The following MUC5B variants were observed in gnomAD, a reference collection of about 807,000 sequenced individuals.
MUC5B encodes the protein mucin 5B, oligomeric mucus/gel-forming.
A neutral mutation model predicts 376.9 loss-of-function variants in MUC5B; 116 were observed. The observed-to-expected ratio is 0.31, with a 90% CI of 0.26 to 0.36. The LOEUF is 0.36. Among genes scored for constraint, MUC5B ranks in the 10% least tolerant of loss-of-function variants. The pLI is 1.00. For missense variants in MUC5B, 7,165 were observed against 7,769.9 expected, an observed-to-expected ratio of 0.92 and a Z score of 2.93; for synonymous variants, 3,517 against 3,390.9, an observed-to-expected ratio of 1.04 and a Z score of -1.29.
In MUC5B at chr11:1,234,172, C is replaced by T. The variant is rs771188022; in HGVS notation, c.2378-33C>T. 1.9e-5 allele frequency: 30 copies of T among 1,548,630 alleles called. No homozygotes were observed. The highest frequency in any genetic ancestry group is 2.7e-5 in the African/African-American group (2 of 73,548). On this transcript the variant is annotated intron_variant, in intron 19 of 48. Transcript: ENST00000529681. The surrounding 1 kb of genome is among the most constrained non-coding windows in gnomAD (Gnocchi z 6.3). The stretch of plus-strand genomic sequence containing the variant: ...CAGTTGAGGGCCGTGGCTGCCCTTC[C>T]CCAGGACCCCTCCCACCAAGCTCTG...
At chr11:1,259,587 T>C in intron 44 of MUC5B, 169 bp from the exon 45 acceptor site, 3 of 641,962 alleles carry the variant, frequency 4.7e-6, no homozygotes, top group South Asian at 1.9e-5. Context: ...GAAACTGGGG[T>C]GAGGCTGAGC....
chr11:1,232,925 C>T (rs1340004784), intron 17 of MUC5B, 88 bp from the exon 18 acceptor site: 6 of 1,469,452 alleles, frequency 4.1e-6, no homozygotes, highest in South Asian at 1.4e-5. Flanking sequence ...GCGATCCCCA[C>T]GTCACAGACG....
Position 1,227,077 on chromosome 11 carries a change from G to A in MUC5B, c.508G>A (p.Gly170Arg), listed in dbSNP as rs377253798. 2.4e-5 allele frequency: 39 copies of A among 1,612,384 alleles called. No homozygotes were observed. Among genetic ancestry groups the A allele is most frequent in the South Asian group, 2.0e-4 (18 of 91,062 alleles). Residue 170 changes from glycine (G) to arginine (R), a missense_variant, in exon 5 of 49, where the codon GGG becomes AGG. Coordinates refer to ENST00000529681, the MANE Select transcript of MUC5B (RefSeq NM_002458.3). ...SRTGLLVEQS[G>R]DYIKVSIRLV... ...CACTGGCCTCCTGGTGGAGCAGAGC[G>A]GGGACTACATCAAGGTCAGCATCCG...
chr11:1,246,535 G>A lies in MUC5B; in HGVS notation c.9655G>A (p.Ala3219Thr). Residue 3219 changes from alanine to threonine, a missense_variant, in exon 31 of 49, where the codon GCA becomes ACA. This residue lies in a region of MUC5B where 939 missense variants were observed against 770.6 expected (regional missense o/e 1.22). Transcript: ENST00000529681. ...RATPSSSPGT[A>T]TALPALRSTA... ...CACTCCCTCCTCCAGTCCAGGGACT[G>A]CAACCGCCCTTCCAGCACTGAGAAG... 6.2e-7 allele frequency: 1 copy of A among 1,613,146 alleles called. No homozygotes were observed. The highest frequency in any genetic ancestry group is 1.1e-5 in the South Asian group (1 of 91,028).
In MUC5B at chr11:1,243,793, C is replaced by A. The variant is rs753713375; in HGVS notation, c.6913C>A (p.Pro2305Thr). The part of the protein sequence containing the change: ...TLLPSSPTSA[P>T]ITTVVTMGCE... Reference sequence around the variant, plus strand: ...GCTGCCCAGCAGCCCCACATCGGCCCCCATAACCACGGTGGTGACCATGGG... The same window carrying A: ...GCTGCCCAGCAGCCCCACATCGGCCACCATAACCACGGTGGTGACCATGGG... The change falls in exon 31 of 49, where the codon CCC becomes ACC. Residue 2305 changes from proline (P) to threonine (T), a missense_variant. Pro to Thr is a conservative substitution (Grantham distance 38). Coordinates refer to ENST00000529681, the MANE Select transcript of MUC5B (RefSeq NM_002458.3). 8.7e-6 allele frequency: 14 copies of A among 1,611,608 alleles called. No individual in the cohort carries two copies. Among genetic ancestry groups the A allele is most frequent in the Non-Finnish European group, 1.2e-5 (14 of 1,179,660 alleles).
chr11:1,227,159 C>G lies in MUC5B; in HGVS notation c.576+14C>G. The G allele has an allele frequency of 1.2e-6, 2 of 1,606,624 alleles. No homozygotes were observed. The highest frequency in any genetic ancestry group is 1.7e-6 in the Non-Finnish European group (2 of 1,175,376). The stretch of plus-strand genomic sequence containing the variant: ...GACAGTGCCCTGGTGAGGAAGCCCC[C>G]TCGCCCCTTGCCCCTTCAGGCCTGG... On this transcript the variant is annotated intron_variant, in intron 5 of 48. Coordinates refer to ENST00000529681, the MANE Select transcript of MUC5B (RefSeq NM_002458.3).
At chr11:1,254,603 G>A (rs1294325818) in intron 34 of MUC5B, 91 bp from the exon 35 acceptor site, 23 of 1,370,760 alleles carry the variant, frequency 1.7e-5, no homozygotes, top group Non-Finnish European at 9.9e-7. Context: ...GGGGGTCTCT[G>A]CACATGGAGG....
At chr11:1,233,757 G>C in intron 18 of MUC5B, 36 bp from the exon 19 acceptor site, 1 of 1,576,958 alleles carries the variant, frequency 6.3e-7, no homozygotes. Flanking sequence ...CGGGGTGAGG[G>C]CCGCAGATCC....
chr11:1,225,024 G>T (rs1036203795), intron 1 of MUC5B, among the ~76,000 whole-genome samples: 1 of 152,218 alleles, frequency 6.6e-6, no homozygotes, highest in African/African-American at 2.4e-5. Flanking sequence ...GCCTCCATGG[G>T]GTTGGTGGGT....
At chr11:1,259,399 G>C (rs1401943808) in intron 44 of MUC5B, 9 of 485,044 alleles carry the variant, frequency 1.9e-5, no homozygotes, top group Non-Finnish European at 3.0e-5. Context: ...CACTTATCCT[G>C]GCTCCCTGGG....
rs1432630767 is a variant in MUC5B at position 1,234,135 on chromosome 11, G to A, written c.2378-70G>A. On this transcript the variant is annotated intron_variant, in intron 19 of 48. Transcript: ENST00000529681. The surrounding 1 kb of genome is among the most constrained non-coding windows in gnomAD (Gnocchi z 6.3). ...ACTTGATCAGCAGGACAGGCTCAGGGCTGCCTGGGGTCAGTTGAGGGCCGT... is the reference window on the plus strand; with the variant it reads ...ACTTGATCAGCAGGACAGGCTCAGGACTGCCTGGGGTCAGTTGAGGGCCGT... The A allele has an allele frequency of 3.1e-6, 4 of 1,292,914 alleles. No homozygotes were observed. The East Asian group carries it at 1.0e-4, about 33-fold the overall frequency. The allele number at this position is 1,292,914 out of a possible 1,614,324, so 80.1% of individuals were successfully genotyped here.
At chr11:1,226,571 G>A (rs756741044) in intron 3 of MUC5B, 44 bp from the exon 4 acceptor site, 5 of 1,577,326 alleles carry the variant, frequency 3.2e-6, no homozygotes, top group Middle Eastern at 1.7e-4. Context: ...GCTACCCCGT[G>A]GGGGGCTGGC....
chr11:1,227,816 G>A (rs1400010457), intron 7 of MUC5B, 35 bp downstream of exon 7: 3 of 690,484 alleles, frequency 4.3e-6, no homozygotes, highest in Non-Finnish European at 8.2e-6. Context: ...CCTGGGCAGG[G>A]ACGGCCTCCA....
intron 31 of MUC5B, 137 bp from the exon 32 acceptor site, chr11:1,252,206 C>T (rs1862721986): frequency 1.2e-6 from 1 of 841,914 alleles, no homozygotes; most frequent in Admixed American, 2.9e-5. Flanking sequence ...ACTGGCCACA[C>T]TCAGCCTCTG....
Position 1,244,835 on chromosome 11 carries a change from T to C in MUC5B, c.7955T>C (p.Ile2652Thr). 1.9e-6 allele frequency: 3 copies of C among 1,609,672 alleles called. No individual in the cohort carries two copies. In the African/African-American group the frequency reaches 4.1e-5, roughly 22 times the overall value. The change falls in exon 31 of 49, where the codon ATC becomes ACC. Residue 2652 changes from isoleucine (I) to threonine (T), a missense_variant. Around this residue, in one of 31 missense-constraint regions of MUC5B, gnomAD observed 141 missense variants for 111.2 expected, o/e 1.27. Coordinates refer to ENST00000529681, the MANE Select transcript of MUC5B (RefSeq NM_002458.3). ...TRGSTVTPSS[I>T]PGTTHTPTVL... ...GGTTCCACGGTGACCCCCTCCTCCA[T>C]CCCGGGGACCACCCACACCCCCACA...
In MUC5B at chr11:1,248,449, C is replaced by T. The variant is rs1287230254; in HGVS notation, c.11569C>T (p.Pro3857Ser). The change falls in exon 31 of 49, where the codon CCA becomes TCA. Residue 3857 changes from proline (P) to serine (S), a missense_variant. Coordinates refer to ENST00000529681, the MANE Select transcript of MUC5B (RefSeq NM_002458.3). ...TGSVATPSST[P>S]GTAHTTKVPT... Reference sequence around the variant, plus strand: ...CTCTGTGGCCACCCCCTCTTCCACCCCAGGAACAGCTCACACTACCAAAGT... The same window carrying T: ...CTCTGTGGCCACCCCCTCTTCCACCTCAGGAACAGCTCACACTACCAAAGT... 6.2e-7 allele frequency: 1 copy of T among 1,610,570 alleles called. No homozygotes were observed. The highest frequency in any genetic ancestry group is 1.3e-5 in the African/African-American group (1 of 74,482).
rs1356338188 is a variant in MUC5B at position 1,241,473 on chromosome 11, T to G, written c.4593T>G (p.Asp1531Glu). 6.2e-7 allele frequency: 1 copy of G among 1,613,616 alleles called. No individual in the cohort carries two copies. Among genetic ancestry groups the G allele is most frequent in the Non-Finnish European group, 8.5e-7 (1 of 1,179,750 alleles). The change falls in exon 31 of 49, where the codon GAT becomes GAG. Residue 1531 changes from aspartate (D) to glutamate (E), a missense_variant. Asp to Glu is a conservative substitution (Grantham distance 45). This residue lies in a region of MUC5B where 517 missense variants were observed against 545.3 expected (regional missense o/e 0.95). Transcript: ENST00000529681. ...TTGGAGGGGACGTTGAGTCCTACGA[T>G]AAGATCAGGGCCGCTGGAGGGCACT... ...EQLGGDVESY[D>E]KIRAAGGHLC...
Position 1,250,330 on chromosome 11 carries a change from A to G in MUC5B, c.13450A>G (p.Thr4484Ala). Reference protein sequence around the residue: ...ATAGTPHVSTTATTPTVTSSK... With the variant: ...ATAGTPHVSTAATTPTVTSSK... ...TGCTGGCACCCCACATGTGAGCACC[A>G]CGGCCACGACACCCACAGTCACCAG... Residue 4484 changes from threonine to alanine, a missense_variant, in exon 31 of 49, where the codon ACG becomes GCG. Coordinates refer to ENST00000529681, the MANE Select transcript of MUC5B (RefSeq NM_002458.3). The G allele has an allele frequency of 6.2e-7, 1 of 1,612,792 alleles. No homozygotes were observed. Among genetic ancestry groups the G allele is most frequent in the East Asian group, 2.2e-5 (1 of 44,798 alleles).
intron 7 of MUC5B, 108 bp from the exon 8 acceptor site, chr11:1,228,456 C>CG: frequency 8.9e-7 from 1 of 1,120,482 alleles, no homozygotes. Context: ...CAAGGAACCC[C>CG]GACAGGGAGA....
Sources: allele counts gnomAD v4.1 joint callset (sites outside exome capture counted in the v4.1 genomes callset), GRCh38; gene constraint gnomAD v4.1.1; regional missense constraint gnomAD v4.1.1; non-coding constraint Gnocchi (gnomAD v3.1); transcripts MANE v1.5; gene names NCBI Gene and HGNC (gene_info 2026-07-23, HGNC 2026-07-21).